Variants in ARGLU1 observed in about 807,000 individuals in gnomAD.
The protein encoded by ARGLU1 is arginine and glutamate-rich protein 1.
A neutral mutation model predicts 37.6 loss-of-function variants in ARGLU1; 9 were observed. That is an observed-to-expected ratio of 0.24 (90% CI 0.14 to 0.42). The LOEUF (loss-of-function observed/expected upper bound fraction) is 0.42, where lower values mean the gene tolerates loss of function less well. Among genes scored for constraint, ARGLU1 ranks in the 10% least tolerant of loss-of-function variants. The pLI is 1.00. For synonymous variants in ARGLU1, 166 were observed against 138.5 expected, an observed-to-expected ratio of 1.20 and a Z score of -1.39; for missense variants, 211 against 359.2, an observed-to-expected ratio of 0.59 and a Z score of 3.34.
intron 2 of ARGLU1, chr13:106,558,514 A>G: frequency 5.1e-6 from 5 of 985,438 alleles, no homozygotes; most frequent in Non-Finnish European, 6.0e-6. Context: ...TGGGATTCAT[A>G]TTCATTATGC....
In ARGLU1 at chr13:106,567,930, G is replaced by A. The variant is rs2138980157; in HGVS notation, c.-11C>T. 6.2e-7 allele frequency: 1 copy of A among 1,603,822 alleles called. No homozygotes were observed. The highest frequency in any genetic ancestry group is 1.1e-5 in the South Asian group (1 of 90,686). On this transcript the variant is annotated 5_prime_UTR_variant, in exon 1 of 4. Transcript: ENST00000400198. The surrounding 1 kb of genome is among the most constrained non-coding windows in gnomAD (Gnocchi z 4.3). ...CCGAGACCGGCCCATCCTTCCGGGA[G>A]ACGCTCTAACCGCTCGCCTCAGGCC...
At chr13:106,559,257 C>G in intron 2 of ARGLU1, 175 bp downstream of exon 2, 1 of 1,532,942 alleles carries the variant, frequency 6.5e-7, no homozygotes, top group South Asian at 1.2e-5. Flanking sequence ...TTTAAGTTAT[C>G]AGTCAGCACT....
chr13:106,544,272 G>T, intron 3 of ARGLU1, 112 bp from the exon 4 acceptor site: 2 of 858,658 alleles, frequency 2.3e-6, no homozygotes, highest in Non-Finnish European at 3.3e-6. Context: ...TAATGCAAAT[G>T]CAAAAAAGGG....
At chr13:106,562,970 G>A (rs1317048410) in intron 1 of ARGLU1, among the ~76,000 whole-genome samples, 3 of 120,296 alleles carry the variant, frequency 2.5e-5, no homozygotes, top group Admixed American at 1.1e-4. Context: ...CAGCCTGGGC[G>A]ACAGAGCAAG....
chr13:106,562,390 A>G (rs1880830880), intron 1 of ARGLU1, among the ~76,000 whole-genome samples: 1 of 152,194 alleles, frequency 6.6e-6, no homozygotes. Context: ...ATTTATCATC[A>G]TAATCAATGA....
At chr13:106,556,716 T>C (rs566529453) in intron 3 of ARGLU1, among the ~76,000 whole-genome samples, 2 of 152,232 alleles carry the variant, frequency 1.3e-5, no homozygotes, top group Non-Finnish European at 2.9e-5. Flanking sequence ...ATAGTTGGTT[T>C]AAATATACCC....
In ARGLU1 at chr13:106,567,325, A is replaced by ATTT. The variant is rs1880996818; in HGVS notation, c.347+247_347+248insAAA. On this transcript the variant is annotated intron_variant, in intron 1 of 3. Coordinates refer to ENST00000400198, the MANE Select transcript of ARGLU1 (RefSeq NM_018011.4). This position sits in a 1 kb window ranked among gnomAD's most constrained non-coding sequence, Gnocchi z 4.3. ...TCTCGCGCCAAAATCGCCTTCTCTT[A>ATTT]AACCCTTTCTGCTCAAGCCCTCGAA... Among the ~76,000 whole-genome samples the ATTT allele has an allele frequency of 2.0e-5, 3 of 150,698 alleles. No homozygotes were observed. The highest frequency in any genetic ancestry group is 4.9e-5 in the African/African-American group (2 of 40,834).
Position 106,567,405 on chromosome 13 carries a change from A to T in ARGLU1, c.347+168T>A, listed in dbSNP as rs558543612. 3.3e-5 allele frequency among the ~76,000 whole-genome samples: 5 copies of T among 151,838 alleles called. No homozygotes were observed. The highest frequency in any genetic ancestry group is 2.1e-4 in the South Asian group (1 of 4,802). ...TCCCACCCCAAGCTTTCCAAACGCC[A>T]AGCCTGCCCGCCCCGCCGCCGCCTC... On this transcript the variant is annotated intron_variant, in intron 1 of 3. Coordinates refer to ENST00000400198, the MANE Select transcript of ARGLU1 (RefSeq NM_018011.4). The surrounding 1 kb of genome is among the most constrained non-coding windows in gnomAD (Gnocchi z 4.3).
At position 106,555,974 on chromosome 13, in the gene ARGLU1, G is replaced by A. The variant is rs557380496; in HGVS notation, c.657+1074C>T. On this transcript the variant is annotated intron_variant, in intron 3 of 3. Coordinates refer to ENST00000400198, the MANE Select transcript of ARGLU1 (RefSeq NM_018011.4). The stretch of plus-strand genomic sequence containing the variant: ...AAACATCCATGCCTCACAAACCAGA[G>A]TGTATTTACCCTTCAAAGCTCAACC... Among the ~76,000 whole-genome samples the A allele has an allele frequency of 5.3e-5, 8 of 152,250 alleles. No homozygotes were observed. In the South Asian group the frequency reaches 1.7e-3, roughly 32 times the overall value.
Position 106,544,016 on chromosome 13 carries a change from A to G in ARGLU1, c.802T>C (p.Ser268Pro). 1 of 1,586,438 alleles carries G rather than the reference A, an allele frequency of 6.3e-7. No homozygotes were observed. The highest frequency in any genetic ancestry group is 1.9e-5 in the Admixed American group (1 of 53,510). Residue 268 changes from serine (S) to proline (P), a missense_variant, in exon 4 of 4, where the codon TCA (serine) becomes CCA (proline). Ser to Pro is a moderately conservative substitution (Grantham distance 74). Coordinates refer to ENST00000400198, the MANE Select transcript of ARGLU1 (RefSeq NM_018011.4). Reference sequence around the variant, plus strand: ...GCAATTTAATCCTGGGTTTTTAATGAGAAGGACAGTTTTGGCCTGGACTTC... The same window carrying G: ...GCAATTTAATCCTGGGTTTTTAATGGGAAGGACAGTTTTGGCCTGGACTTC... ...KGKSRPKLSFSLKTQD is the reference protein window; with the variant it reads ...KGKSRPKLSFPLKTQD
chr13:106,567,671 G>A lies in ARGLU1; in HGVS notation c.249C>T (p.Asp83=), dbSNP rs1393918816. ...ERASSPPDRI[D]IFGRTVSKRS... The stretch of plus-strand genomic sequence containing the variant: ...GCTTGCTCACCGTGCGCCCGAAGAT[G>A]TCGATGCGGTCGGGCGGGGACGAGG... The change falls in exon 1 of 4, where the codon GAC becomes GAT. Residue 83 remains aspartate, a synonymous_variant. Transcript: ENST00000400198. The surrounding 1 kb of genome is among the most constrained non-coding windows in gnomAD (Gnocchi z 4.3). 2 of 1,613,392 alleles carry A rather than the reference G, an allele frequency of 1.2e-6. No individual in the cohort carries two copies. Among genetic ancestry groups the A allele is most frequent in the African/African-American group, 1.3e-5 (1 of 74,858 alleles).
At chr13:106,550,337 C>A (rs969962382) in intron 3 of ARGLU1, among the ~76,000 whole-genome samples, 2 of 152,132 alleles carry the variant, frequency 1.3e-5, no homozygotes, top group South Asian at 2.1e-4. Context: ...AATGTCAATA[C>A]ACTCACTCAT....
chr13:106,549,172 GCAGA>G (rs756055358), intron 3 of ARGLU1, among the ~76,000 whole-genome samples: 4 of 152,182 alleles, frequency 2.6e-5, no homozygotes, highest in Non-Finnish European at 5.9e-5. Context: ...AGTCCCTTTA[GCAGA>G]CAGAGATACT....
chr13:106,548,088 T>C (rs1880440003), intron 3 of ARGLU1, among the ~76,000 whole-genome samples: 1 of 152,200 alleles, frequency 6.6e-6, no homozygotes, highest in African/African-American at 2.4e-5. Flanking sequence ...AATGCAATGA[T>C]TTAAAAATTA....
At chr13:106,559,701 A>G in intron 1 of ARGLU1, 44 bp from the exon 2 acceptor site, 1 of 1,559,362 alleles carries the variant, frequency 6.4e-7, no homozygotes, top group Non-Finnish European at 8.7e-7. Context: ...TTTACTTTTA[A>G]AACTATAAAT....
intron 3 of ARGLU1, 93 bp downstream of exon 3, chr13:106,556,955 T>A: frequency 8.9e-7 from 1 of 1,121,134 alleles, no homozygotes. Context: ...CCAAAATAAG[T>A]CAAATTATAG....
At chr13:106,548,694 T>A (rs1359836047) in intron 3 of ARGLU1, among the ~76,000 whole-genome samples, 1 of 152,126 alleles carries the variant, frequency 6.6e-6, no homozygotes. Context: ...CAAAAAAATG[T>A]TCCATTATAG....
chr13:106,556,737 G>A lies in ARGLU1; in HGVS notation c.657+311C>T, dbSNP rs2138971357. Reference sequence around the variant, plus strand: ...GGTTTAAATATACCCCCAAGCTTTTGTTGTTGCTATTAGTTTTTTAGGCAT... The same window carrying A: ...GGTTTAAATATACCCCCAAGCTTTTATTGTTGCTATTAGTTTTTTAGGCAT... On this transcript the variant is annotated intron_variant, in intron 3 of 3. Transcript: ENST00000400198. Among the ~76,000 whole-genome samples, 6 of 152,256 alleles carry A rather than the reference G, an allele frequency of 3.9e-5. No individual in the cohort carries two copies. The Middle Eastern group carries it at 0.017, about 432-fold the overall frequency.
intron 1 of ARGLU1, chr13:106,561,779 A>T (rs1487688990): frequency 2.0e-5 from 3 of 152,230 alleles, no homozygotes; most frequent in Non-Finnish European, 4.4e-5. Context: ...ACAGGGCCTC[A>T]TTTCCATAGC....
Sources: gnomAD v4.1 joint callset for allele counts (sites outside exome capture counted in the v4.1 genomes callset) on GRCh38, gnomAD v4.1.1 for gene constraint, Gnocchi (gnomAD v3.1) non-coding constraint, MANE v1.5 for transcripts, NCBI Gene and HGNC (gene_info 2026-07-23, HGNC 2026-07-21) for gene names.